DPYD: variants seen among roughly 807,000 people sequenced by gnomAD.
DPYD encodes the protein dihydropyrimidine dehydrogenase [NADP(+)].
In DPYD, 109 loss-of-function variants were observed where a neutral mutation model predicts 116.2. That is an observed-to-expected ratio of 0.94 (90% CI 0.80 to 1.10). The LOEUF (loss-of-function observed/expected upper bound fraction) is 1.10. Ranked by LOEUF, DPYD falls within the 50% of genes least tolerant of loss-of-function variation. The probability of loss-of-function intolerance (pLI) is 0.00; values close to 1 mark genes in which losing one functional copy is unlikely to be tolerated. For missense variants in DPYD, 1,302 were observed against 1,254.5 expected, an observed-to-expected ratio of 1.04 and a Z score of -0.57; for synonymous variants, 440 against 432.0, an observed-to-expected ratio of 1.02 and a Z score of -0.23.
chr1:97,859,697 A>C (rs1360943804), intron 2 of DPYD, among the ~76,000 whole-genome samples: 1 of 152,180 alleles, frequency 6.6e-6, no homozygotes, highest in Non-Finnish European at 1.5e-5. Context: ...AGCAACGACA[A>C]GGATTCCTTT....
intron 14 of DPYD, among the ~76,000 whole-genome samples, chr1:97,446,203 T>C (rs935527333): frequency 6.6e-6 from 1 of 152,206 alleles, no homozygotes; most frequent in Non-Finnish European, 1.5e-5. Context: ...CATCACTAGA[T>C]TGTTACTTAG....
rs151069386 is a variant in DPYD at position 97,719,920 on chromosome 1, T to C, written c.483+1590A>G. The stretch of plus-strand genomic sequence containing the variant: ...GTCCTAATCTATGCATAACTCTTCA[T>C]TAGGTGATACTTATGGCAAGACCTA... On this transcript the variant is annotated intron_variant, in intron 5 of 22. Transcript: ENST00000370192. The C allele has an allele frequency of 8.4e-5, 83 of 985,018 alleles. No individual in the cohort carries two copies. The African/African-American group carries it at 1.2e-3, about 14-fold the overall frequency. 61.0% of individuals were successfully genotyped at this position (985,018 alleles called of 1,614,324 possible).
At chr1:97,295,840 G>A (rs904224471) in intron 18 of DPYD, 2 of 773,174 alleles carry the variant, frequency 2.6e-6, no homozygotes, top group Non-Finnish European at 3.1e-6. Context: ...TGAAGATTAA[G>A]TGAAATATGT....
chr1:97,707,284 C>A (rs1208028467), intron 5 of DPYD, among the ~76,000 whole-genome samples: 1 of 151,900 alleles, frequency 6.6e-6, no homozygotes, highest in African/African-American at 2.4e-5. Context: ...CAGAAAGCAG[C>A]TTATGAGCAT....
intron 2 of DPYD, among the ~76,000 whole-genome samples, chr1:97,853,455 T>A (rs918193108): frequency 1.3e-5 from 2 of 152,194 alleles, no homozygotes; most frequent in African/African-American, 4.8e-5. Flanking sequence ...TTGATAAACA[T>A]CAGTCTTTAT....
chr1:97,488,191 T>G (rs572182802), intron 13 of DPYD, among the ~76,000 whole-genome samples: 2 of 152,178 alleles, frequency 1.3e-5, no homozygotes, highest in Non-Finnish European at 2.9e-5. Flanking sequence ...AAGATTACAC[T>G]TGTATAAATC....
At chr1:97,175,260 G>A (rs1238524028) in intron 20 of DPYD, among the ~76,000 whole-genome samples, 5 of 149,504 alleles carry the variant, frequency 3.3e-5, no homozygotes, top group Non-Finnish European at 7.4e-5. Flanking sequence ...TCTCATTGTA[G>A]TGTTCTACTG....
intron 8 of DPYD, among the ~76,000 whole-genome samples, chr1:97,666,492 T>C (rs753317455): frequency 2.6e-5 from 4 of 152,000 alleles, no homozygotes; most frequent in African/African-American, 4.8e-5. Context: ...TGTGTGTGTG[T>C]GTTTTTTTTC....
intron 20 of DPYD, among the ~76,000 whole-genome samples, chr1:97,147,345 T>A (rs1397689920): frequency 1.4e-5 from 2 of 141,062 alleles, no homozygotes; most frequent in African/African-American, 5.2e-5. Flanking sequence ...AGACTCTGTC[T>A]CAAAAAACAA....
intron 3 of DPYD, among the ~76,000 whole-genome samples, chr1:97,744,041 C>G (rs980784438): frequency 6.6e-6 from 1 of 151,824 alleles, no homozygotes; most frequent in African/African-American, 2.4e-5. Flanking sequence ...TAATACAAAG[C>G]ATAACAATGA....
At chr1:97,584,307 T>C (rs1284629739) in intron 10 of DPYD, among the ~76,000 whole-genome samples, 6 of 152,160 alleles carry the variant, frequency 3.9e-5, no homozygotes, top group African/African-American at 9.7e-5. Flanking sequence ...ATTCTGGATA[T>C]TAGCCCTTTG....
chr1:97,133,998 C>CAAAAAAAAAAAAAAAAA (rs1208967697), intron 20 of DPYD, among the ~76,000 whole-genome samples: 5 of 17,236 alleles, frequency 2.9e-4, no homozygotes, highest in Non-Finnish European at 3.8e-4. Flanking sequence ...GACTCTGTTT[C>CAAAAAAAAAAAAAAAAA]AAAAAAAAAA....
At chr1:97,914,471 CTA>C (rs1440271363) in intron 1 of DPYD, among the ~76,000 whole-genome samples, 3 of 152,094 alleles carry the variant, frequency 2.0e-5, no homozygotes, top group African/African-American at 4.8e-5. Flanking sequence ...TTCTACATTT[CTA>C]TGAGAATGCC....
chr1:97,179,674 C>T (rs558362847), intron 20 of DPYD, among the ~76,000 whole-genome samples: 1 of 152,186 alleles, frequency 6.6e-6, no homozygotes, highest in Middle Eastern at 3.4e-3. Flanking sequence ...CCTGAAGCTG[C>T]AAATCAAAGG....
rs1224816986 is a variant in DPYD, at chr1:97,679,023, C to A, written c.850+72G>T. The A allele has an allele frequency of 1.5e-5, 10 of 686,618 alleles. No individual in the cohort carries two copies. In the East Asian group the frequency reaches 2.7e-4, roughly 19 times the overall value. 42.5% of individuals were successfully genotyped at this position (686,618 alleles called of 1,614,324 possible). On this transcript the variant is annotated intron_variant, in intron 8 of 22. Transcript: ENST00000370192. Reference sequence around the variant, plus strand: ...CATCACGAAAATGTCTGAAGGCAGTCATTCTTCTGGATATTGCTAGGAAAT... The same window carrying A: ...CATCACGAAAATGTCTGAAGGCAGTAATTCTTCTGGATATTGCTAGGAAAT...
chr1:97,305,761 C>T (rs902738499), intron 17 of DPYD, among the ~76,000 whole-genome samples: 35 of 151,852 alleles, frequency 2.3e-4, no homozygotes, highest in African/African-American at 8.5e-4. Context: ...GTCAGCTAGG[C>T]CCTACAAAAT....
At chr1:97,864,322 G>T (rs1671265463) in intron 2 of DPYD, among the ~76,000 whole-genome samples, 1 of 151,902 alleles carries the variant, frequency 6.6e-6, no homozygotes, top group African/African-American at 2.4e-5. Flanking sequence ...TGGGGGCCTG[G>T]GAAAGATTCA....
chr1:97,305,120 T>A, intron 18 of DPYD, 139 bp downstream of exon 18: 1 of 1,258,184 alleles, frequency 7.9e-7, no homozygotes, highest in Non-Finnish European at 1.1e-6. Flanking sequence ...ATCCGTTCTG[T>A]CATAACTATT....
intron 8 of DPYD, among the ~76,000 whole-genome samples, chr1:97,639,693 T>C (rs1394438977): frequency 6.6e-6 from 1 of 152,094 alleles, no homozygotes; most frequent in Non-Finnish European, 1.5e-5. Flanking sequence ...GTTATAAGGG[T>C]GTGTGTATGT....
Sources: allele counts gnomAD v4.1 joint callset (sites outside exome capture counted in the v4.1 genomes callset), GRCh38; gene constraint gnomAD v4.1.1; transcripts MANE v1.5; gene names NCBI Gene and HGNC (gene_info 2026-07-23, HGNC 2026-07-21).